The following MNT variants were observed in gnomAD, a reference collection of about 807,000 sequenced individuals.
The protein encoded by MNT is MAX network transcriptional repressor, also known as max-binding protein MNT.
MNT carries 13 observed loss-of-function variants against 40.7 expected under a neutral mutation model. That is an observed-to-expected ratio of 0.32 (90% CI 0.21 to 0.51). MNT has a LOEUF of 0.51. Ranked by LOEUF, MNT falls within the 20% of genes least tolerant of loss-of-function variation. The pLI, the probability that MNT is intolerant of heterozygous loss-of-function variation, is 0.98. For synonymous variants in MNT, 426 were observed against 354.8 expected (o/e 1.20, Z -2.26); for missense variants, 757 against 792.0 (o/e 0.96, Z 0.53).
intron 4 of MNT, chr17:2,393,806 G>C (rs2066547773): frequency 4.6e-6 from 1 of 215,270 alleles, no homozygotes; most frequent in Non-Finnish European, 9.1e-6. Flanking sequence ...CGCCGAGGCT[G>C]CAGGGGCTCG....
chr17:2,393,963 CG>C, intron 4 of MNT, 79 bp downstream of exon 4: 1 of 922,722 alleles, frequency 1.1e-6, no homozygotes, highest in Non-Finnish European at 1.5e-6. Context: ...GGCGTGAGGG[CG>C]GGGCGGGGCG....
intron 1 of MNT, chr17:2,400,193 C>T: frequency 5.9e-6 from 1 of 170,922 alleles, no homozygotes. Flanking sequence ...GTGCTATACA[C>T]ACGCCCGTGT....
At chr17:2,394,632 T>C (rs568548088) in intron 2 of MNT, among the ~76,000 whole-genome samples, 57 of 152,192 alleles carry the variant, frequency 3.7e-4, no homozygotes, top group African/African-American at 1.3e-3. Context: ...AAGAGGCCCA[T>C]ACTCTGTCCA....
At chr17:2,392,683 C>T (rs1395811788) in intron 4 of MNT, 4 of 152,070 alleles carry the variant, frequency 2.6e-5, no homozygotes, top group Non-Finnish European at 5.9e-5. Context: ...AGGCCCCACC[C>T]CGAAGCACGC....
intron 2 of MNT, 32 bp downstream of exon 2, chr17:2,394,843 C>A: frequency 6.6e-7 from 1 of 1,517,256 alleles, no homozygotes; most frequent in South Asian, 1.2e-5. Flanking sequence ...CTCCTATCCC[C>A]CACCAGCCCG....
At position 2,387,905 on chromosome 17, in the gene MNT, G is replaced by C. The variant is rs752463787; in HGVS notation, c.952C>G (p.Gln318Glu). ...DVLEIDRVLR[Q>E]TGQPEDDQAS... ...TGGTCATCCTCGGGCTGGCCCGTCT[G>C]CCGCAGCACGCGGTCAATCTCCAGT... is the stretch of plus-strand genomic sequence containing the variant. The change falls in exon 5 of 6, where the codon CAG (glutamine) becomes GAG (glutamate). Residue 318 changes from glutamine (Q) to glutamate (E), a missense_variant. Transcript: ENST00000174618. 3 of 1,606,142 alleles carry C rather than the reference G, an allele frequency of 1.9e-6. No individual in the cohort carries two copies. Among genetic ancestry groups the C allele is most frequent in the Non-Finnish European group, 8.5e-7 (1 of 1,179,180 alleles).
chr17:2,397,353 C>T (rs1481351223), intron 1 of MNT, among the ~76,000 whole-genome samples: 2 of 152,322 alleles, frequency 1.3e-5, no homozygotes, highest in East Asian at 3.9e-4. Context: ...TCCCCTACCC[C>T]AAGACAAGGC....
intron 4 of MNT, 140 bp from the exon 5 acceptor site, chr17:2,388,189 G>A: frequency 2.7e-6 from 2 of 748,198 alleles, no homozygotes; most frequent in Non-Finnish European, 4.3e-6. Flanking sequence ...GGGGGCTGCT[G>A]GAGACCGCAC....
intron 1 of MNT, among the ~76,000 whole-genome samples, chr17:2,399,413 G>T (rs1567870790): frequency 6.6e-6 from 1 of 152,180 alleles, no homozygotes; most frequent in African/African-American, 2.4e-5. Flanking sequence ...CTGATGCCAG[G>T]GGGCATAGTT....
At chr17:2,397,569 T>A (rs2066586394) in intron 1 of MNT, among the ~76,000 whole-genome samples, 1 of 152,258 alleles carries the variant, frequency 6.6e-6, no homozygotes, top group Non-Finnish European at 1.5e-5. Flanking sequence ...AAAGCTCACC[T>A]GGGAGGTAGC....
rs35367394 is a variant in MNT at position 2,394,277 on chromosome 17, G to GCACACACACACACACACACA, written c.695+8_695+27dup. 827 of 1,488,960 alleles carry GCACACACACACACACACACA rather than the reference G, an allele frequency of 5.6e-4. 7 individuals carry two copies. The African/African-American group carries it at 8.5e-3, about 15-fold the overall frequency. 92.2% of individuals were successfully genotyped at this position (1,488,960 alleles called of 1,614,324 possible). On this transcript the variant is annotated intron_variant, in intron 3 of 5. Coordinates refer to ENST00000174618, the MANE Select transcript of MNT (RefSeq NM_020310.3). ...CCGGGTCGCGCGCGCACGCACGCAC[G>GCACACACACACACACACACA]CACACACACACACACACACACACAC...
chr17:2,393,799 C>G (rs2151669850), intron 4 of MNT: 1 of 206,828 alleles, frequency 4.8e-6, no homozygotes, highest in South Asian at 1.9e-4. Context: ...CCGGGGACGC[C>G]GAGGCTGCAG....
At chr17:2,392,472 G>A (rs1449067174) in intron 4 of MNT, among the ~76,000 whole-genome samples, 1 of 152,234 alleles carries the variant, frequency 6.6e-6, no homozygotes, top group Admixed American at 6.5e-5. Flanking sequence ...TATCTGCAAA[G>A]AGGAACTCGC....
At position 2,395,337 on chromosome 17, in the gene MNT, G is replaced by T; in HGVS notation, c.191C>A (p.Pro64His). ...GGGAGCCGGTGGAGACAGAGGCAGG[G>T]GTGGCGCCTCCATGCGGGGTTCCTC... Reference protein sequence around the residue: ...PVEEPRMEAPPLPLSPPAPPP... With the variant: ...PVEEPRMEAPHLPLSPPAPPP... Residue 64 changes from proline (P) to histidine (H), a missense_variant, in exon 2 of 6, where the codon CCC (proline) becomes CAC (histidine). By Grantham distance (77) the Pro-to-His change is moderately conservative. Around this residue, in one of 4 missense-constraint regions of MNT, gnomAD observed 335 missense variants for 291.4 expected, o/e 1.15. Coordinates refer to ENST00000174618, the MANE Select transcript of MNT (RefSeq NM_020310.3). 1.2e-6 allele frequency: 2 copies of T among 1,612,016 alleles called. No homozygotes were observed. The highest frequency in any genetic ancestry group is 8.5e-7 in the Non-Finnish European group (1 of 1,179,430).
Position 2,401,031 on chromosome 17 carries a change from C to G in MNT, c.-319G>C, listed in dbSNP as rs2066611550. The G allele has an allele frequency of 4.0e-6, 1 of 248,196 alleles. No individual in the cohort carries two copies. Among genetic ancestry groups the G allele is most frequent in the African/African-American group, 2.3e-5 (1 of 43,708 alleles). 15.4% of individuals were successfully genotyped at this position (248,196 alleles called of 1,614,324 possible). Reference sequence around the variant, plus strand: ...CCCGCCCCGCGGCCCCCGGGAGTCCCGCCGACAAGAAAGGGCTTTGCAACA... The same window carrying G: ...CCCGCCCCGCGGCCCCCGGGAGTCCGGCCGACAAGAAAGGGCTTTGCAACA... On this transcript the variant is annotated 5_prime_UTR_variant, in exon 1 of 6. Transcript: ENST00000174618.
intron 1 of MNT, among the ~76,000 whole-genome samples, chr17:2,399,595 A>AGGCCGG (rs1218032253): frequency 1.3e-5 from 2 of 152,000 alleles, no homozygotes; most frequent in Non-Finnish European, 2.9e-5. Context: ...AGGTGCCCAG[A>AGGCCGG]GGCCGGGGCC....
intron 2 of MNT, 101 bp from the exon 3 acceptor site, chr17:2,394,447 C>T: frequency 1.9e-6 from 3 of 1,549,086 alleles, no homozygotes; most frequent in Non-Finnish European, 2.6e-6. Flanking sequence ...CTGTTTGTCC[C>T]CAACACTGTC....
At chr17:2,393,978 CCGGGGGAGGGGCGGCGGAGGGAGGG>C (rs990837635) in intron 4 of MNT, 40 bp downstream of exon 4, 88 of 1,171,016 alleles carry the variant, frequency 7.5e-5, no homozygotes, top group Non-Finnish European at 1.0e-4. Context: ...CGGGGCGCGG[CCGGGGGAGGGGCGGCGGAGGGAGGG>C]CGGGGGAAGC....
At position 2,394,265 on chromosome 17, in the gene MNT, GCACGCACGCACGCACACACACA is replaced by G; in HGVS notation, c.695+18_695+39del. ...GGCCGCCGGGGCCCGGGTCGCGCGCGCACGCACGCACGCACACACACACACACACACACACACACCTGTTCTT... is the reference window on the plus strand; with the variant it reads ...GGCCGCCGGGGCCCGGGTCGCGCGCGCACACACACACACACACCTGTTCTT... On this transcript the variant is annotated intron_variant, in intron 3 of 5. Coordinates refer to ENST00000174618, the MANE Select transcript of MNT (RefSeq NM_020310.3). 1 of 1,487,004 alleles carries G rather than the reference GCACGCACGCACGCACACACACA, an allele frequency of 6.7e-7. No homozygotes were observed. Among genetic ancestry groups the G allele is most frequent in the Non-Finnish European group, 8.9e-7 (1 of 1,118,260 alleles). The allele number at this position is 1,487,004 out of a possible 1,614,324, so 92.1% of individuals were successfully genotyped here.
Sources: allele counts gnomAD v4.1 joint callset (sites outside exome capture counted in the v4.1 genomes callset), GRCh38; gene constraint gnomAD v4.1.1; regional missense constraint gnomAD v4.1.1; transcripts MANE v1.5; gene names NCBI Gene and HGNC (gene_info 2026-07-23, HGNC 2026-07-21).